TBC1D22A: variants seen among roughly 807,000 people sequenced by gnomAD.
TBC1D22A encodes putative GTPase activator.
A neutral mutation model predicts 60.2 loss-of-function variants in TBC1D22A; 38 were observed. The observed-to-expected ratio is 0.63, with a 90% confidence interval of 0.49 to 0.83. The LOEUF is 0.83. Among genes scored for constraint, TBC1D22A ranks in the 40% least tolerant of loss-of-function variants. The pLI, the probability that TBC1D22A is intolerant of heterozygous loss-of-function variation, is 0.00. For missense variants in TBC1D22A, 628 were observed against 701.0 expected (o/e 0.90, Z 1.18); for synonymous variants, 302 against 281.7 (o/e 1.07, Z -0.72).
At chr22:46,818,240 C>G (rs1281768701) in intron 4 of TBC1D22A, among the ~76,000 whole-genome samples, 1 of 152,180 alleles carries the variant, frequency 6.6e-6, no homozygotes, top group Non-Finnish European at 1.5e-5. Context: ...TCTGCAGAAG[C>G]TCTTTAGTTT....
intron 5 of TBC1D22A, among the ~76,000 whole-genome samples, chr22:46,885,180 GC>G (rs1176194781): frequency 6.6e-6 from 1 of 152,180 alleles, no homozygotes; most frequent in African/African-American, 2.4e-5. Flanking sequence ...AGTGGCTGGG[GC>G]TGGGTGAATG....
chr22:46,804,911 C>A (rs2085062594), intron 4 of TBC1D22A, among the ~76,000 whole-genome samples: 1 of 151,998 alleles, frequency 6.6e-6, no homozygotes, highest in Admixed American at 6.6e-5. Context: ...CTTATAATTT[C>A]TTTTGTAGAT....
intron 11 of TBC1D22A, among the ~76,000 whole-genome samples, chr22:47,094,572 CCT>C (rs1312084583): frequency 9.9e-5 from 15 of 152,194 alleles, no homozygotes; most frequent in African/African-American, 3.4e-4. Context: ...AGATAAATGC[CCT>C]CTGTCTATTT....
intron 8 of TBC1D22A, among the ~76,000 whole-genome samples, chr22:46,955,509 T>TTGTG (rs1200867925): frequency 6.6e-6 from 1 of 152,118 alleles, no homozygotes; most frequent in South Asian, 2.1e-4. Flanking sequence ...ACGTTTTCGT[T>TTGTG]TGTGTGTGTG....
chr22:47,106,948 CA>C (rs2065659365), intron 11 of TBC1D22A, among the ~76,000 whole-genome samples: 1 of 152,006 alleles, frequency 6.6e-6, no homozygotes, highest in Admixed American at 6.6e-5. Context: ...CACAACAAAA[CA>C]AAAAACAAAA....
rs2067080014 is a variant in TBC1D22A, at chr22:46,866,858, A to G, written c.638-11795A>G. Among the ~76,000 whole-genome samples the G allele has an allele frequency of 2.0e-5, 3 of 152,238 alleles. No homozygotes were observed. In the South Asian group the frequency reaches 6.2e-4, roughly 32 times the overall value. ...CTTGCTGTGATCCGCAAGAGCTTGTATCCTTACTGTTTTCAAGGAGTGGAT... is the reference window on the plus strand; with the variant it reads ...CTTGCTGTGATCCGCAAGAGCTTGTGTCCTTACTGTTTTCAAGGAGTGGAT... On this transcript the variant is annotated intron_variant, in intron 4 of 12. Coordinates refer to ENST00000337137, the MANE Select transcript of TBC1D22A (RefSeq NM_014346.5).
intron 11 of TBC1D22A, among the ~76,000 whole-genome samples, chr22:47,109,905 G>A (rs2065785327): frequency 6.6e-6 from 1 of 152,028 alleles, no homozygotes; most frequent in African/African-American, 2.4e-5. Context: ...CCCCTAACCT[G>A]CCTCCTGGTT....
At chr22:46,825,174 G>C (rs1274253254) in intron 4 of TBC1D22A, among the ~76,000 whole-genome samples, 1 of 152,194 alleles carries the variant, frequency 6.6e-6, no homozygotes, top group African/African-American at 2.4e-5. Flanking sequence ...TAATGTAATA[G>C]TTATGTAATA....
At chr22:47,133,560 C>A (rs1411959154) in intron 12 of TBC1D22A, among the ~76,000 whole-genome samples, 1 of 152,224 alleles carries the variant, frequency 6.6e-6, no homozygotes, top group African/African-American at 2.4e-5. Context: ...AGTTGACATA[C>A]TGCTTAAGAT....
At chr22:47,137,675 C>T (rs980424745) in intron 12 of TBC1D22A, among the ~76,000 whole-genome samples, 6 of 152,252 alleles carry the variant, frequency 3.9e-5, no homozygotes, top group Non-Finnish European at 7.3e-5. Flanking sequence ...TACACCCAAG[C>T]CTGGCCCCTG....
chr22:47,111,193 T>C (rs1390598138), intron 11 of TBC1D22A, among the ~76,000 whole-genome samples: 1 of 152,210 alleles, frequency 6.6e-6, no homozygotes, highest in African/African-American at 2.4e-5. Context: ...CAGCACACGT[T>C]GAATTTGTCT....
chr22:46,871,062 C>T (rs775807244), intron 4 of TBC1D22A, among the ~76,000 whole-genome samples: 12 of 152,180 alleles, frequency 7.9e-5, no homozygotes, highest in Middle Eastern at 3.4e-3. Flanking sequence ...CACAAGAAAA[C>T]GAATTTGCTT....
intron 12 of TBC1D22A, among the ~76,000 whole-genome samples, chr22:47,146,284 C>T (rs17175403): frequency 0.014 from 2,060 of 152,304 alleles, 19 homozygotes; most frequent in Non-Finnish European, 0.021. Flanking sequence ...AACCCGTTCA[C>T]GCTAGTCCTT....
intron 4 of TBC1D22A, among the ~76,000 whole-genome samples, chr22:46,860,776 G>A (rs886250201): frequency 6.6e-6 from 1 of 152,308 alleles, no homozygotes; most frequent in South Asian, 2.1e-4. Flanking sequence ...CTGCTGCCAG[G>A]CGGGTCTCCT....
intron 9 of TBC1D22A, among the ~76,000 whole-genome samples, chr22:46,986,256 A>T (rs959116933): frequency 6.6e-6 from 1 of 152,244 alleles, no homozygotes; most frequent in Non-Finnish European, 1.5e-5. Flanking sequence ...TGACGTACAA[A>T]TGGATCTTAA....
chr22:47,000,721 A>G (rs1365387382), intron 10 of TBC1D22A, among the ~76,000 whole-genome samples: 1 of 152,142 alleles, frequency 6.6e-6, no homozygotes, highest in African/African-American at 2.4e-5. Flanking sequence ...TGAAAGAAAA[A>G]GGTGAGAGTA....
chr22:46,796,694 G>C (rs1205879595), intron 3 of TBC1D22A, among the ~76,000 whole-genome samples: 1 of 136,360 alleles, frequency 7.3e-6, no homozygotes, highest in Non-Finnish European at 1.5e-5. Flanking sequence ...CCCTGGGCCT[G>C]TCCGTCTTGG....
intron 6 of TBC1D22A, among the ~76,000 whole-genome samples, chr22:46,894,055 C>A (rs2068542745): frequency 6.6e-6 from 1 of 152,242 alleles, no homozygotes; most frequent in African/African-American, 2.4e-5. Context: ...ATTGCAGCAT[C>A]TCCCTTGGCA....
At position 46,762,891 on chromosome 22, in the gene TBC1D22A, G is replaced by T. The variant is rs745635951; in HGVS notation, c.62+43G>T. 6 of 1,466,294 alleles carry T rather than the reference G, an allele frequency of 4.1e-6. No individual in the cohort carries two copies. In the South Asian group the frequency reaches 5.6e-5, roughly 14 times the overall value. 90.8% of individuals were successfully genotyped at this position (1,466,294 alleles called of 1,614,324 possible). A position where few individuals can be genotyped will look rare whatever the true frequency, so the allele number is the denominator to read the frequency against. On this transcript the variant is annotated intron_variant, in intron 1 of 12. Coordinates refer to ENST00000337137, the MANE Select transcript of TBC1D22A (RefSeq NM_014346.5). ...GGCCAGGTCGGGGTCAGGGGTCAGAGGTCAGGTGGCCGCGTTGGCCTCCTG... is the reference window on the plus strand; with the variant it reads ...GGCCAGGTCGGGGTCAGGGGTCAGATGTCAGGTGGCCGCGTTGGCCTCCTG...
Sources: gnomAD v4.1 joint callset for allele counts (sites outside exome capture counted in the v4.1 genomes callset) on GRCh38, gnomAD v4.1.1 for gene constraint, MANE v1.5 for transcripts, NCBI Gene and HGNC (gene_info 2026-07-23, HGNC 2026-07-21) for gene names.